SLC30A8: variants seen among roughly 807,000 people sequenced by gnomAD.
SLC30A8 encodes the protein proton-coupled zinc antiporter SLC30A8.
A neutral mutation model predicts 36.9 loss-of-function variants in SLC30A8; 27 were observed. The ratio of observed to expected loss-of-function variants is 0.73; its 90% confidence interval spans 0.54 to 1.01. SLC30A8 has a LOEUF of 1.01. SLC30A8 is among the 50% of genes least tolerant of loss of function. SLC30A8 has a pLI of 0.00. For missense variants in SLC30A8, 439 were observed against 452.0 expected, an observed-to-expected ratio of 0.97 and a Z score of 0.26; for synonymous variants, 164 against 172.4, an observed-to-expected ratio of 0.95 and a Z score of 0.38.
chr8:117,160,938 G>A (rs965673199), intron 4 of SLC30A8, among the ~76,000 whole-genome samples: 5 of 152,176 alleles, frequency 3.3e-5, no homozygotes, highest in Admixed American at 6.5e-5. Context: ...AAAAAGTTCA[G>A]AAAGGCAAAA....
In SLC30A8 at chr8:117,152,369, T is replaced by C. The variant is rs1586593509; in HGVS notation, c.272-575T>C. On this transcript the variant is annotated intron_variant, in intron 2 of 7. Coordinates refer to ENST00000456015, the MANE Select transcript of SLC30A8 (RefSeq NM_173851.3). ...TGCATCCCTATGCTTTATTGGATTG[T>C]AGCACTGAGGACGCCCATTGGAAGG... Among the ~76,000 whole-genome samples the C allele has an allele frequency of 2.0e-5, 3 of 152,268 alleles. No individual in the cohort carries two copies. In the South Asian group the frequency reaches 6.2e-4, roughly 32 times the overall value.
At chr8:117,131,313 A>G (rs181551335), upstream of SLC30A8, among the ~76,000 whole-genome samples, 12 of 151,852 alleles carry the variant, frequency 7.9e-5, no homozygotes, top group African/African-American at 2.6e-4. Flanking sequence ...AAATACTCAC[A>G]CTGTAGTAAT....
chr8:117,168,106 A>T (rs1293259086), intron 6 of SLC30A8, among the ~76,000 whole-genome samples: 1 of 129,382 alleles, frequency 7.7e-6, no homozygotes, highest in African/African-American at 3.8e-5. Context: ...AATTATCTTC[A>T]CCTGGCCCCC....
At chr8:116,979,771 G>A (rs1815192522) in intron 1 of SLC30A8, among the ~76,000 whole-genome samples, 1 of 152,148 alleles carries the variant, frequency 6.6e-6, no homozygotes, top group Non-Finnish European at 1.5e-5. Flanking sequence ...GCAAGATGTC[G>A]CTACCCATGA....
intron 1 of SLC30A8, among the ~76,000 whole-genome samples, chr8:116,958,618 C>G (rs1434532174): frequency 6.6e-6 from 1 of 151,848 alleles, no homozygotes; most frequent in Non-Finnish European, 1.5e-5. Flanking sequence ...TGGTCTTTAG[C>G]AATTTGATTA....
At chr8:116,957,862 C>A (rs1814270848) in intron 1 of SLC30A8, among the ~76,000 whole-genome samples, 1 of 152,132 alleles carries the variant, frequency 6.6e-6, no homozygotes, top group African/African-American at 2.4e-5. Context: ...AAATCAATAG[C>A]CATGCACCAG....
intron 2 of SLC30A8, among the ~76,000 whole-genome samples, chr8:117,148,008 T>C (rs887710982): frequency 6.6e-6 from 1 of 152,234 alleles, no homozygotes; most frequent in South Asian, 2.1e-4. Flanking sequence ...GAGCTCTTTA[T>C]ATATTAGGAT....
intron 1 of SLC30A8, among the ~76,000 whole-genome samples, chr8:117,020,697 A>G (rs867315269): frequency 4.0e-5 from 6 of 151,354 alleles, no homozygotes; most frequent in African/African-American, 7.3e-5. Context: ...AAGAATGAAC[A>G]GTATCTTTAT....
At chr8:117,032,362 C>T (rs983740212) in intron 1 of SLC30A8, among the ~76,000 whole-genome samples, 1 of 152,100 alleles carries the variant, frequency 6.6e-6, no homozygotes, top group Admixed American at 6.5e-5. Context: ...ACACAGCAGG[C>T]AGTTAATAAG....
intron 2 of SLC30A8, among the ~76,000 whole-genome samples, chr8:117,109,375 G>C (rs984902155): frequency 6.6e-6 from 1 of 152,164 alleles, no homozygotes; most frequent in African/African-American, 2.4e-5. Flanking sequence ...AAAAGTTGAG[G>C]CTCAGTATGG....
At chr8:117,024,657 C>T (rs1816816641) in intron 1 of SLC30A8, among the ~76,000 whole-genome samples, 1 of 152,224 alleles carries the variant, frequency 6.6e-6, no homozygotes, top group African/African-American at 2.4e-5. Context: ...GAACACTTCA[C>T]TCAGAGGCCA....
chr8:117,095,397 G>A (rs1194865069), intron 2 of SLC30A8, among the ~76,000 whole-genome samples: 2 of 152,018 alleles, frequency 1.3e-5, no homozygotes, highest in South Asian at 2.1e-4. Context: ...TTAGTAACTA[G>A]TGTTAGTAGT....
intron 4 of SLC30A8, among the ~76,000 whole-genome samples, chr8:117,161,022 A>G (rs915948197): frequency 1.3e-5 from 2 of 152,230 alleles, no homozygotes; most frequent in African/African-American, 4.8e-5. Context: ...AGATAAACAG[A>G]ATTATGTACA....
intron 2 of SLC30A8, among the ~76,000 whole-genome samples, chr8:117,055,309 T>G (rs987233734): frequency 1.5e-4 from 23 of 152,194 alleles, no homozygotes; most frequent in African/African-American, 5.3e-4. Flanking sequence ...GGTTCTGCAA[T>G]GTGGATAGAA....
chr8:116,980,513 TGTCA>T (rs1395002841), intron 1 of SLC30A8, among the ~76,000 whole-genome samples: 1 of 152,176 alleles, frequency 6.6e-6, no homozygotes, highest in Non-Finnish European at 1.5e-5. Context: ...GATTTCCTTG[TGTCA>T]GTCAGTCATT....
intron 1 of SLC30A8, among the ~76,000 whole-genome samples, chr8:117,014,656 C>G (rs116555416): frequency 0.01 from 1,545 of 152,274 alleles, 22 homozygotes; most frequent in African/African-American, 0.034. Context: ...TGTCTTATCT[C>G]AGTTCCTTTC....
chr8:116,964,766 C>T (rs1320010880), intron 1 of SLC30A8, among the ~76,000 whole-genome samples: 1 of 152,168 alleles, frequency 6.6e-6, no homozygotes, highest in Non-Finnish European at 1.5e-5. Context: ...CTCTTATTAA[C>T]CTACTAAAGC....
chr8:117,071,242 C>T (rs1020274400), intron 2 of SLC30A8, among the ~76,000 whole-genome samples: 1 of 152,112 alleles, frequency 6.6e-6, no homozygotes, highest in Non-Finnish European at 1.5e-5. Context: ...GAGAGCCATT[C>T]TAACAGGTCT....
intron 1 of SLC30A8, among the ~76,000 whole-genome samples, chr8:117,028,011 T>G (rs1334907073): frequency 6.6e-6 from 1 of 152,228 alleles, no homozygotes; most frequent in African/African-American, 2.4e-5. Context: ...TTTGGCAGAC[T>G]ATATTTCCTC....
Sources: allele counts gnomAD v4.1 joint callset (sites outside exome capture counted in the v4.1 genomes callset), GRCh38; gene constraint gnomAD v4.1.1; transcripts MANE v1.5; gene names NCBI Gene and HGNC (gene_info 2026-07-23, HGNC 2026-07-21).